WWOX: variants seen among roughly 807,000 people sequenced by gnomAD.
The protein encoded by WWOX is WW domain-containing oxidoreductase.
Under a neutral mutation model 46.2 loss-of-function variants are expected in WWOX, and 69 were observed. The ratio of observed to expected loss-of-function variants is 1.49; its 90% confidence interval spans 1.23 to 1.82. WWOX has a LOEUF of 1.82. WWOX is among the 40% of genes most tolerant of loss of function. The pLI, the probability that WWOX is intolerant of heterozygous loss-of-function variation, is 0.00. For synonymous variants in WWOX, 359 were observed against 202.6 expected (o/e 1.77, Z -6.56); for missense variants, 919 against 542.6 (o/e 1.69, Z -6.89).
chr16:79,176,506 C>T (rs986684089), intron 8 of WWOX, among the ~76,000 whole-genome samples: 1 of 152,202 alleles, frequency 6.6e-6, no homozygotes, highest in Non-Finnish European at 1.5e-5. Flanking sequence ...AGGATACACA[C>T]AGTTTTCTCC....
chr16:79,097,340 C>T (rs182288824), intron 8 of WWOX, among the ~76,000 whole-genome samples: 17 of 150,224 alleles, frequency 1.1e-4, no homozygotes, highest in Admixed American at 2.0e-4. Context: ...TTGTATCTGG[C>T]TCCAAAACTT....
intron 5 of WWOX, among the ~76,000 whole-genome samples, chr16:78,268,292 G>A (rs2079408913): frequency 2.0e-5 from 3 of 152,174 alleles, no homozygotes; most frequent in African/African-American, 7.2e-5. Context: ...ACAAATTTGA[G>A]AAAGTGTAAA....
At position 79,018,669 on chromosome 16, in the gene WWOX, A is replaced by G. The variant is rs545730676; in HGVS notation, c.1057-192939A>G. Among the ~76,000 whole-genome samples, 8 of 152,244 alleles carry G rather than the reference A, an allele frequency of 5.3e-5. No individual in the cohort carries two copies. In the South Asian group the frequency reaches 1.0e-3, roughly 20 times the overall value. On this transcript the variant is annotated intron_variant, in intron 8 of 8. Transcript: ENST00000566780. ...TTTCAAACATATCATGCTCACCCCAATCAATGTGGGCCGCCTCCTCCACAT... is the reference window on the plus strand; with the variant it reads ...TTTCAAACATATCATGCTCACCCCAGTCAATGTGGGCCGCCTCCTCCACAT...
chr16:78,659,641 C>A (rs536707375), intron 8 of WWOX, among the ~76,000 whole-genome samples: 1 of 152,188 alleles, frequency 6.6e-6, no homozygotes, highest in African/African-American at 2.4e-5. Flanking sequence ...CTGCCTCCAT[C>A]GGAGCGAGTT....
At chr16:78,527,134 G>C (rs2667616) in intron 8 of WWOX, among the ~76,000 whole-genome samples, 1 of 152,090 alleles carries the variant, frequency 6.6e-6, no homozygotes, top group Non-Finnish European at 1.5e-5. Flanking sequence ...TTGCACTCCA[G>C]CCTGGGCAAA....
Position 78,581,744 on chromosome 16 carries a change from C to G in WWOX, c.1056+148992C>G, listed in dbSNP as rs376275469. Among the ~76,000 whole-genome samples the G allele has an allele frequency of 1.6e-4, 25 of 152,274 alleles. No homozygotes were observed. The East Asian group carries it at 4.4e-3, about 27-fold the overall frequency. The stretch of plus-strand genomic sequence containing the variant: ...AGGTTATTTGTCAGGAAAATTATCT[C>G]TTGTAACACCAGGTTCCCTACCTTT... On this transcript the variant is annotated intron_variant, in intron 8 of 8. Transcript: ENST00000566780.
chr16:79,070,836 G>C (rs2048536472), intron 8 of WWOX, among the ~76,000 whole-genome samples: 1 of 152,124 alleles, frequency 6.6e-6, no homozygotes, highest in South Asian at 2.1e-4. Context: ...TTCTATATTG[G>C]TGAGGGAGTG....
chr16:78,841,626 ACT>A (rs1252831483), intron 8 of WWOX, among the ~76,000 whole-genome samples: 4 of 152,294 alleles, frequency 2.6e-5, no homozygotes, highest in Non-Finnish European at 5.9e-5. Context: ...CATTAACAAA[ACT>A]CTGGCGAATT....
chr16:79,045,780 CTTTTTTTTTTTTTTTTTTTTTTTTTTTT>C (rs770463813), intron 8 of WWOX, among the ~76,000 whole-genome samples: 6 of 54,232 alleles, frequency 1.1e-4, no homozygotes, highest in East Asian at 7.5e-4. Context: ...TTTTCTTTTC[CTTTTTTTTTTTTTTTTTTTTTTTTTTTT>C]TTTTTTTTTT....
chr16:78,338,059 C>T lies in WWOX; in HGVS notation c.517-48801C>T, dbSNP rs1011985651. On this transcript the variant is annotated intron_variant, in intron 5 of 8. Transcript: ENST00000566780. Reference sequence around the variant, plus strand: ...CATATATAAAATTATTTTTATCAAACATGACAGATCAAAAGCCTTCTGGAA... The same window carrying T: ...CATATATAAAATTATTTTTATCAAATATGACAGATCAAAAGCCTTCTGGAA... 4.1e-5 allele frequency among the ~76,000 whole-genome samples: 5 copies of T among 120,960 alleles called. 2 individuals are homozygous for T. The South Asian group carries it at 1.2e-3, about 30-fold the overall frequency. The allele number at this position is 120,960 out of a possible 152,430, so 79.4% of individuals were successfully genotyped here.
chr16:78,515,172 C>T (rs972823507), intron 8 of WWOX, among the ~76,000 whole-genome samples: 5 of 152,214 alleles, frequency 3.3e-5, no homozygotes, highest in South Asian at 2.1e-4. Context: ...TACAGTGAAC[C>T]GAGATCGTGT....
chr16:78,524,891 G>T (rs2043427241), intron 8 of WWOX, among the ~76,000 whole-genome samples: 1 of 134,830 alleles, frequency 7.4e-6, no homozygotes, highest in Non-Finnish European at 1.6e-5. Flanking sequence ...TTTGAGGCAG[G>T]CCTTAGGTCT....
chr16:78,660,016 C>G (rs2047175518), intron 8 of WWOX, among the ~76,000 whole-genome samples: 1 of 152,126 alleles, frequency 6.6e-6, no homozygotes, highest in Admixed American at 6.5e-5. Context: ...TCCTCATTTC[C>G]TATTATTTTA....
intron 6 of WWOX, among the ~76,000 whole-genome samples, chr16:78,407,883 G>A (rs1392190812): frequency 6.6e-6 from 1 of 152,220 alleles, no homozygotes; most frequent in Non-Finnish European, 1.5e-5. Flanking sequence ...ACTGTCTACT[G>A]TAGAGATAAC....
At chr16:78,532,244 A>G (rs2043640365) in intron 8 of WWOX, among the ~76,000 whole-genome samples, 1 of 152,128 alleles carries the variant, frequency 6.6e-6, no homozygotes, top group African/African-American at 2.4e-5. Context: ...GAAAATGAGT[A>G]CTTGCAAAAT....
At chr16:78,881,704 A>G (rs1490245380) in intron 8 of WWOX, among the ~76,000 whole-genome samples, 1 of 152,214 alleles carries the variant, frequency 6.6e-6, no homozygotes, top group East Asian at 1.9e-4. Context: ...GCTCACCATT[A>G]ATCACTTAAG....
At chr16:78,122,709 A>T (rs1003355373) in intron 4 of WWOX, among the ~76,000 whole-genome samples, 2 of 151,032 alleles carry the variant, frequency 1.3e-5, no homozygotes, top group Non-Finnish European at 2.9e-5. Context: ...GGTTGAAGTG[A>T]TTCTCCTGCC....
intron 8 of WWOX, among the ~76,000 whole-genome samples, chr16:78,516,819 G>A (rs1386815167): frequency 2.0e-5 from 3 of 152,152 alleles, no homozygotes; most frequent in East Asian, 3.8e-4. Context: ...GAGAAGAGAG[G>A]TGTTAATGGA....
intron 8 of WWOX, among the ~76,000 whole-genome samples, chr16:78,964,239 C>G (rs1249025979): frequency 6.6e-6 from 1 of 152,098 alleles, no homozygotes; most frequent in Non-Finnish European, 1.5e-5. Flanking sequence ...CAGAAGAAGA[C>G]AGGAAAATGT....
Sources: allele counts gnomAD v4.1 joint callset (sites outside exome capture counted in the v4.1 genomes callset), GRCh38; gene constraint gnomAD v4.1.1; transcripts MANE v1.5; gene names NCBI Gene and HGNC (gene_info 2026-07-23, HGNC 2026-07-21).